CABLES1: variants seen among roughly 807,000 people sequenced by gnomAD.
CABLES1 encodes Cdk5 and Abl enzyme substrate 1.
Under a neutral mutation model 57.8 loss-of-function variants are expected in CABLES1, and 36 were observed. That is an observed-to-expected ratio of 0.62 (90% CI 0.48 to 0.82). The LOEUF is 0.82. Among genes scored for constraint, CABLES1 ranks in the 40% least tolerant of loss-of-function variants. The pLI, the probability that CABLES1 is intolerant of heterozygous loss-of-function variation, is 0.00. For missense variants in CABLES1, 767 were observed against 836.6 expected (o/e 0.92, Z 1.03); for synonymous variants, 374 against 363.0 (o/e 1.03, Z -0.35).
chr18:23,159,608 G>A (rs1226728358), intron 1 of CABLES1, among the ~76,000 whole-genome samples: 5 of 152,126 alleles, frequency 3.3e-5, no homozygotes, highest in Admixed American at 3.3e-4. Flanking sequence ...TGTTGATTCT[G>A]CCCGAGGCGA....
Position 23,135,644 on chromosome 18 carries a change from C to A in CABLES1, c.-119C>A. The A allele has an allele frequency of 1.1e-6, 1 of 879,570 alleles. No individual in the cohort carries two copies. The highest frequency in any genetic ancestry group is 1.4e-6 in the Non-Finnish European group (1 of 734,822). 54.5% of individuals were successfully genotyped at this position (879,570 alleles called of 1,614,324 possible). A position where few individuals can be genotyped will look rare whatever the true frequency, so the allele number is the denominator to read the frequency against. On this transcript the variant is annotated 5_prime_UTR_variant, in exon 1 of 10. Coordinates refer to ENST00000256925, the MANE Select transcript of CABLES1 (RefSeq NM_001100619.3). ...CGCGGGGGGGCTGGACCGCCGCGCACGCCGCCCGATCCCCGCGCCCTACCC... is the reference window on the plus strand; with the variant it reads ...CGCGGGGGGGCTGGACCGCCGCGCAAGCCGCCCGATCCCCGCGCCCTACCC...
chr18:23,200,451 A>G (rs1235530667), intron 3 of CABLES1, among the ~76,000 whole-genome samples: 2 of 152,116 alleles, frequency 1.3e-5, no homozygotes, highest in Admixed American at 6.5e-5. Flanking sequence ...TTTAGTAGAG[A>G]CGGGGTTTCA....
At chr18:23,143,748 C>T (rs1392073452) in intron 1 of CABLES1, among the ~76,000 whole-genome samples, 3 of 152,160 alleles carry the variant, frequency 2.0e-5, no homozygotes, top group African/African-American at 7.2e-5. Context: ...CCTGCCTGCA[C>T]CCTCCTTGCC....
At chr18:23,161,987 G>A (rs1186786380) in intron 1 of CABLES1, among the ~76,000 whole-genome samples, 6 of 151,770 alleles carry the variant, frequency 4.0e-5, no homozygotes, top group East Asian at 3.9e-4. Flanking sequence ...CCAACATGGC[G>A]AAGCCCTGTC....
intron 3 of CABLES1, among the ~76,000 whole-genome samples, chr18:23,202,227 C>A (rs577956190): frequency 6.6e-6 from 1 of 152,206 alleles, no homozygotes; most frequent in African/African-American, 2.4e-5. Context: ...CATTGCGGGT[C>A]ATTTTGGTAA....
At chr18:23,197,640 G>T (rs970607931) in intron 3 of CABLES1, 4 of 152,248 alleles carry the variant, frequency 2.6e-5, no homozygotes, top group Admixed American at 2.0e-4. Context: ...CCAGAGCGTG[G>T]CAGGAGCTCT....
In CABLES1 at chr18:23,185,502, G is replaced by A. The variant is rs552125313; in HGVS notation, c.846-3336G>A. Among the ~76,000 whole-genome samples, 4 of 151,612 alleles carry A rather than the reference G, an allele frequency of 2.6e-5. No homozygotes were observed. The South Asian group carries it at 6.2e-4, about 24-fold the overall frequency. On this transcript the variant is annotated intron_variant, in intron 1 of 9. Coordinates refer to ENST00000256925, the MANE Select transcript of CABLES1 (RefSeq NM_001100619.3). ...ACGGTCACATTGTTGAGTGGGTGGG[G>A]GTGGATGCATGGAGAGGTGAACCTG...
intron 3 of CABLES1, among the ~76,000 whole-genome samples, chr18:23,200,467 T>C (rs996105618): frequency 1.3e-5 from 2 of 152,184 alleles, no homozygotes; most frequent in South Asian, 4.1e-4. Context: ...TTTCACCATG[T>C]TAGCCAGGAA....
At position 23,246,517 on chromosome 18, in the gene CABLES1, A is replaced by G. The variant is rs577869729; in HGVS notation, c.1447-6443A>G. ...CGCCATTCTCCTGCGTCAGCCTCCCAAGTAGCTGGGACTACAGGCACCCGC... is the reference window on the plus strand; with the variant it reads ...CGCCATTCTCCTGCGTCAGCCTCCCGAGTAGCTGGGACTACAGGCACCCGC... On this transcript the variant is annotated intron_variant, in intron 7 of 9. Coordinates refer to ENST00000256925, the MANE Select transcript of CABLES1 (RefSeq NM_001100619.3). Among the ~76,000 whole-genome samples, 319 of 151,656 alleles carry G rather than the reference A, an allele frequency of 2.1e-3. 1 individual carries two copies. Among genetic ancestry groups the G allele is most frequent in the South Asian group, 6.7e-3 (32 of 4,804 alleles).
At chr18:23,212,141 G>T (rs573355963) in intron 3 of CABLES1, among the ~76,000 whole-genome samples, 6 of 152,362 alleles carry the variant, frequency 3.9e-5, no homozygotes, top group African/African-American at 1.2e-4. Flanking sequence ...GTCTGAGCAG[G>T]CCTGGGTATT....
At chr18:23,213,214 C>T (rs1568070216) in intron 3 of CABLES1, among the ~76,000 whole-genome samples, 1 of 152,154 alleles carries the variant, frequency 6.6e-6, no homozygotes, top group Non-Finnish European at 1.5e-5. Flanking sequence ...ATAAGCTTCC[C>T]CATATGATGT....
intron 1 of CABLES1, among the ~76,000 whole-genome samples, chr18:23,182,688 C>T (rs1288053254): frequency 1.3e-5 from 2 of 152,238 alleles, no homozygotes; most frequent in African/African-American, 2.4e-5. Flanking sequence ...CCAAGGGTCA[C>T]CTTCCACGAA....
chr18:23,201,351 G>A (rs180688055), intron 3 of CABLES1, among the ~76,000 whole-genome samples: 12 of 152,270 alleles, frequency 7.9e-5, no homozygotes, highest in South Asian at 4.1e-4. Flanking sequence ...CAACCAGGGC[G>A]GGTCCCATCT....
intron 8 of CABLES1, among the ~76,000 whole-genome samples, chr18:23,253,442 C>T (rs1185769137): frequency 6.6e-6 from 1 of 152,206 alleles, no homozygotes; most frequent in Non-Finnish European, 1.5e-5. Flanking sequence ...AAGATCGTGC[C>T]ACTGCACTCC....
At chr18:23,170,453 C>T (rs370871603) in intron 1 of CABLES1, among the ~76,000 whole-genome samples, 7 of 152,246 alleles carry the variant, frequency 4.6e-5, no homozygotes, top group African/African-American at 9.6e-5. Flanking sequence ...CTGAGCTTGA[C>T]GTGTTTCTGG....
At chr18:23,194,320 G>T (rs755407304) in intron 2 of CABLES1, 128 bp from the exon 3 acceptor site, 27 of 593,986 alleles carry the variant, frequency 4.5e-5, no homozygotes, top group African/African-American at 1.3e-4. Flanking sequence ...CATTATCCTC[G>T]CGGACTCCTG....
rs72874939 is a variant in CABLES1, at chr18:23,157,177, C to T, written c.845+20570C>T. ...GGCCAAGGCAGGAGGATCACTTGAG[C>T]GTGGGAGTTGGAGACCAGCCTGGGC... On this transcript the variant is annotated intron_variant, in intron 1 of 9. Transcript: ENST00000256925. Among the ~76,000 whole-genome samples, 315 of 152,174 alleles carry T rather than the reference C, an allele frequency of 2.1e-3. 3 individuals are homozygous for T. The Middle Eastern group carries it at 0.024, about 12-fold the overall frequency.
Position 23,257,587 on chromosome 18 carries a change from G to C in CABLES1, c.*220G>C. 6 of 487,400 alleles carry C rather than the reference G, an allele frequency of 1.2e-5. No individual in the cohort carries two copies. Among genetic ancestry groups the C allele is most frequent in the Non-Finnish European group, 7.1e-6 (2 of 283,168 alleles). 30.2% of individuals were successfully genotyped at this position (487,400 alleles called of 1,614,324 possible). ...GACTCCTCAAGCACGGGAAGAGGAG[G>C]TGTGTGCTGAGAACAGAGAGGCCCT... On this transcript the variant is annotated 3_prime_UTR_variant, in exon 10 of 10. Transcript: ENST00000256925.
intron 7 of CABLES1, among the ~76,000 whole-genome samples, chr18:23,241,888 T>A (rs969468424): frequency 6.6e-6 from 1 of 152,152 alleles, no homozygotes; most frequent in African/African-American, 2.4e-5. Context: ...CAAATTAGCC[T>A]TGCACCCATA....
Sources: allele counts gnomAD v4.1 joint callset (sites outside exome capture counted in the v4.1 genomes callset), GRCh38; gene constraint gnomAD v4.1.1; transcripts MANE v1.5; gene names NCBI Gene and HGNC (gene_info 2026-07-23, HGNC 2026-07-21).